Variants in DLG2 observed in about 807,000 individuals in gnomAD.
DLG2 encodes the protein discs large MAGUK scaffold protein 2.
A neutral mutation model predicts 132.5 loss-of-function variants in DLG2; 45 were observed. The ratio of observed to expected loss-of-function variants is 0.34; its 90% CI spans 0.27 to 0.44. DLG2 has a LOEUF of 0.44. Among genes scored for constraint, DLG2 ranks in the 20% least tolerant of loss-of-function variants. The pLI is 1.00. For missense variants in DLG2, 1,045 were observed against 1,196.9 expected (o/e 0.87, Z 1.87); for synonymous variants, 424 against 419.6 (o/e 1.01, Z -0.13).
At chr11:83,462,936 T>C (rs2090314258) in intron 26 of DLG2, among the ~76,000 whole-genome samples, 1 of 151,840 alleles carries the variant, frequency 6.6e-6, no homozygotes, top group African/African-American at 2.4e-5. Context: ...TTCCGGGTCT[T>C]CCAGGTGTTA....
At chr11:83,868,898 C>T (rs1467955952) in intron 16 of DLG2, among the ~76,000 whole-genome samples, 1 of 152,144 alleles carries the variant, frequency 6.6e-6, no homozygotes, top group African/African-American at 2.4e-5. Context: ...AGATGGATCT[C>T]TGAATGTGTG....
chr11:84,484,496 G>T (rs944338282), intron 7 of DLG2, among the ~76,000 whole-genome samples: 3 of 152,060 alleles, frequency 2.0e-5, no homozygotes, highest in Non-Finnish European at 4.4e-5. Flanking sequence ...GTTATCATTT[G>T]GCTCCCTTTA....
At chr11:84,032,325 T>C (rs2095721536) in intron 11 of DLG2, among the ~76,000 whole-genome samples, 1 of 152,138 alleles carries the variant, frequency 6.6e-6, no homozygotes, top group African/African-American at 2.4e-5. Flanking sequence ...AAAGTGTGAC[T>C]CCATTGAAAG....
chr11:84,964,943 A>G (rs1372773184), intron 6 of DLG2, among the ~76,000 whole-genome samples: 1 of 152,168 alleles, frequency 6.6e-6, no homozygotes, highest in Non-Finnish European at 1.5e-5. Context: ...TAATTATCAA[A>G]TGGTTAGAAA....
chr11:84,903,702 G>T (rs982266185), intron 6 of DLG2, among the ~76,000 whole-genome samples: 5 of 152,216 alleles, frequency 3.3e-5, no homozygotes, highest in Admixed American at 2.0e-4. Context: ...GGATAGTTGT[G>T]CAGTTCTTTC....
intron 21 of DLG2, chr11:83,486,394 G>A (rs2093509785): frequency 5.3e-6 from 3 of 561,088 alleles, no homozygotes; most frequent in East Asian, 3.0e-5. Flanking sequence ...ACAAAACAAT[G>A]CCAAGAGGAG....
At chr11:85,032,714 A>T (rs1437766344) in intron 6 of DLG2, among the ~76,000 whole-genome samples, 2 of 152,216 alleles carry the variant, frequency 1.3e-5, no homozygotes, top group African/African-American at 4.8e-5. Context: ...CTAATTGGAT[A>T]GGTTTAAAAG....
chr11:84,595,949 T>C (rs555380341), intron 6 of DLG2, among the ~76,000 whole-genome samples: 4 of 152,146 alleles, frequency 2.6e-5, no homozygotes, highest in African/African-American at 2.4e-5. Context: ...ACCAACCTAA[T>C]AAAAATATTG....
intron 6 of DLG2, among the ~76,000 whole-genome samples, chr11:84,845,734 G>T (rs1402886207): frequency 4.7e-5 from 7 of 148,474 alleles, no homozygotes; most frequent in Non-Finnish European, 7.4e-5. Context: ...AGTCTGGAGT[G>T]CAGTGGCCAA....
intron 16 of DLG2, among the ~76,000 whole-genome samples, chr11:83,837,723 C>CAAAAAAAAAAAAAAAAAAAAAAAAAAAA (rs386374350): frequency 2.2e-5 from 1 of 45,948 alleles, no homozygotes; most frequent in African/African-American, 9.7e-5. Context: ...ACATAGCAAG[C>CAAAAAAAAAAAAAAAAAAAAAAAAAAAA]AAAAAAAAAA....
At chr11:83,858,645 G>A (rs2060935941) in intron 16 of DLG2, among the ~76,000 whole-genome samples, 1 of 152,072 alleles carries the variant, frequency 6.6e-6, no homozygotes, top group South Asian at 2.1e-4. Context: ...ATTGAAAGAA[G>A]GACATTATTA....
chr11:83,526,797 C>A lies in DLG2; in HGVS notation c.2193+5911G>T, dbSNP rs368789448. On this transcript the variant is annotated intron_variant, in intron 21 of 27. Transcript: ENST00000376104. ...TACTTATTCTGTATCTTACTCCTAA[C>A]CCCAGTCCCTATTTTCCTAATCCTT... Among the ~76,000 whole-genome samples the A allele has an allele frequency of 4.6e-5, 7 of 152,060 alleles. No homozygotes were observed. In the East Asian group the frequency reaches 7.7e-4, roughly 17 times the overall value.
chr11:84,538,205 A>T lies in DLG2; in HGVS notation c.358-3474T>A, dbSNP rs546917385. Reference sequence around the variant, plus strand: ...CTTCTCAGTTTGAAACAGGGTCTGGAATACCATAAAGAGGTAAAAGATATT... The same window carrying T: ...CTTCTCAGTTTGAAACAGGGTCTGGTATACCATAAAGAGGTAAAAGATATT... On this transcript the variant is annotated intron_variant, in intron 6 of 27. Transcript: ENST00000376104. 7.2e-5 allele frequency among the ~76,000 whole-genome samples: 11 copies of T among 152,302 alleles called. No individual in the cohort carries two copies. In the East Asian group the frequency reaches 1.9e-3, roughly 27 times the overall value.
chr11:85,502,857 C>T (rs1233471492), intron 3 of DLG2, among the ~76,000 whole-genome samples: 1 of 151,990 alleles, frequency 6.6e-6, no homozygotes, highest in African/African-American at 2.4e-5. Context: ...CTCATGTGTA[C>T]CTGGATACAC....
At chr11:84,209,837 G>T (rs1040926751) in intron 8 of DLG2, among the ~76,000 whole-genome samples, 1 of 152,168 alleles carries the variant, frequency 6.6e-6, no homozygotes, top group Non-Finnish European at 1.5e-5. Flanking sequence ...AGAGGAACTG[G>T]CTCCCTTATA....
At chr11:84,900,460 T>C (rs1452465202) in intron 6 of DLG2, among the ~76,000 whole-genome samples, 4 of 152,064 alleles carry the variant, frequency 2.6e-5, no homozygotes, top group African/African-American at 9.7e-5. Context: ...TTTGGGGGAA[T>C]GAAAAGTAAC....
Position 84,087,248 on chromosome 11 carries a change from C to T in DLG2, c.749+11675G>A, listed in dbSNP as rs182426335. On this transcript the variant is annotated intron_variant, in intron 10 of 27. Coordinates refer to ENST00000376104, the MANE Select transcript of DLG2 (RefSeq NM_001142699.3). The stretch of plus-strand genomic sequence containing the variant: ...ACTGCCAGACTGTTTTCTAAAGTAG[C>T]TGCACCATTTTACAATCCCACCAGG... Among the ~76,000 whole-genome samples the T allele has an allele frequency of 1.6e-4, 24 of 152,272 alleles. No individual in the cohort carries two copies. The East Asian group carries it at 4.6e-3, about 29-fold the overall frequency.
chr11:84,244,041 A>G lies in DLG2; in HGVS notation c.573+7197T>C, dbSNP rs376143778. Among the ~76,000 whole-genome samples, 109 of 152,378 alleles carry G rather than the reference A, an allele frequency of 7.2e-4. 4 individuals are homozygous for G. Among genetic ancestry groups the G allele is most frequent in the African/African-American group, 2.5e-3 (102 of 41,598 alleles). On this transcript the variant is annotated intron_variant, in intron 8 of 27. Coordinates refer to ENST00000376104, the MANE Select transcript of DLG2 (RefSeq NM_001142699.3). ...AGGTGGGTTTACAACCCAGTCGTGC[A>G]TAAAGCCAAAGGCTAGTTTCTCTCT... is the stretch of plus-strand genomic sequence containing the variant.
At chr11:85,221,972 C>G (rs1310261403) in intron 4 of DLG2, among the ~76,000 whole-genome samples, 2 of 151,492 alleles carry the variant, frequency 1.3e-5, no homozygotes, top group African/African-American at 2.4e-5. Flanking sequence ...GAGTCTCACT[C>G]TGCCAGCCAG....
Sources: gnomAD v4.1 joint callset for allele counts (sites outside exome capture counted in the v4.1 genomes callset) on GRCh38, gnomAD v4.1.1 for gene constraint, MANE v1.5 for transcripts, NCBI Gene and HGNC (gene_info 2026-07-23, HGNC 2026-07-21) for gene names.